PKN2: variants seen among roughly 807,000 people sequenced by gnomAD.
The protein encoded by PKN2 is serine/threonine-protein kinase N2.
A neutral mutation model predicts 119.1 loss-of-function variants in PKN2; 38 were observed. That is an observed-to-expected ratio of 0.32 (90% confidence interval 0.25 to 0.42). The LOEUF (loss-of-function observed/expected upper bound fraction) is 0.42, where lower values mean the gene tolerates loss of function less well. Among genes scored for constraint, PKN2 ranks in the 10% least tolerant of loss-of-function variants. PKN2 has a pLI of 1.00. For synonymous variants in PKN2, 390 were observed against 384.9 expected, an observed-to-expected ratio of 1.01 and a Z score of -0.15; for missense variants, 850 against 1,165.1, an observed-to-expected ratio of 0.73 and a Z score of 3.94.
chr1:88,740,997 C>G lies in PKN2; in HGVS notation c.58C>G (p.Arg20Gly). 6.4e-7 allele frequency: 1 copy of G among 1,562,254 alleles called. No individual in the cohort carries two copies. Among genetic ancestry groups the G allele is most frequent in the African/African-American group, 1.4e-5 (1 of 72,294 alleles). ...TTTATTTTTTCTGTAGGGGGATTCC[C>G]GAAGTCTTCCGTTTTCTGAGAATGT... The part of the protein sequence containing the change: ...ILLTELQGDS[R>G]SLPFSENVSA... Residue 20 changes from arginine to glycine, a missense_variant, in exon 2 of 22, where the codon CGA (arginine) becomes GGA (glycine). Coordinates refer to ENST00000370521, the MANE Select transcript of PKN2 (RefSeq NM_006256.4).
At chr1:88,794,127 G>A (rs1460442616) in intron 8 of PKN2, among the ~76,000 whole-genome samples, 1 of 152,124 alleles carries the variant, frequency 6.6e-6, no homozygotes. Context: ...CAGCACTTTG[G>A]GAGGCTGAGG....
chr1:88,697,331 A>G (rs1047177340), intron 1 of PKN2, among the ~76,000 whole-genome samples: 23 of 152,172 alleles, frequency 1.5e-4, no homozygotes, highest in African/African-American at 5.5e-4. Flanking sequence ...AAAACATTAT[A>G]TGACCAATCT....
At chr1:88,765,893 C>G (rs1669651338) in intron 3 of PKN2, among the ~76,000 whole-genome samples, 1 of 152,188 alleles carries the variant, frequency 6.6e-6, no homozygotes. Flanking sequence ...CTCACTGCAG[C>G]CTCCACCTCC....
chr1:88,787,330 T>C (rs1292944421), intron 8 of PKN2, among the ~76,000 whole-genome samples: 2 of 152,052 alleles, frequency 1.3e-5, no homozygotes, highest in Admixed American at 6.5e-5. Flanking sequence ...AGAGGGAAAA[T>C]GACTAGCTAG....
At chr1:88,731,733 G>C (rs1668148922) in intron 1 of PKN2, among the ~76,000 whole-genome samples, 1 of 152,202 alleles carries the variant, frequency 6.6e-6, no homozygotes, top group African/African-American at 2.4e-5. Flanking sequence ...AATGTAGAGA[G>C]AGTAACAGCT....
At chr1:88,788,633 T>TG (rs1570631935) in intron 8 of PKN2, among the ~76,000 whole-genome samples, 1 of 152,030 alleles carries the variant, frequency 6.6e-6, no homozygotes, top group South Asian at 2.1e-4. Flanking sequence ...TTAGTAGAGA[T>TG]GGGGGTTCTC....
chr1:88,791,001 A>C (rs952477623), intron 8 of PKN2, among the ~76,000 whole-genome samples: 2 of 152,210 alleles, frequency 1.3e-5, no homozygotes, highest in African/African-American at 4.8e-5. Flanking sequence ...AACTGAGAAT[A>C]TCAGTTTTAA....
intron 19 of PKN2, among the ~76,000 whole-genome samples, chr1:88,830,984 G>A (rs570920584): frequency 6.6e-6 from 1 of 152,044 alleles, no homozygotes; most frequent in South Asian, 2.1e-4. Flanking sequence ...AAACTCACCG[G>A]ATATATTATA....
At position 88,770,381 on chromosome 1, in the gene PKN2, A is replaced by G. The variant is rs369228973; in HGVS notation, c.534A>G (p.Gln178=). The change falls in exon 4 of 22, where the codon CAA becomes CAG. Residue 178 remains glutamine, a synonymous_variant. Transcript: ENST00000370521. ...KDRKLHGTAQ[Q]LLQDSKTKIE... Reference sequence around the variant, plus strand: ...GGAAACTCCATGGTACAGCTCAGCAACTGCTCCAGGACAGCAAGACAAAAA... The same window carrying G: ...GGAAACTCCATGGTACAGCTCAGCAGCTGCTCCAGGACAGCAAGACAAAAA... 1.2e-4 allele frequency: 194 copies of G among 1,612,704 alleles called. No individual in the cohort carries two copies. The highest frequency in any genetic ancestry group is 1.5e-4 in the Non-Finnish European group (177 of 1,178,822).
chr1:88,784,338 G>C (rs1221788432), intron 6 of PKN2, among the ~76,000 whole-genome samples: 1 of 151,762 alleles, frequency 6.6e-6, no homozygotes, highest in African/African-American at 2.4e-5. Context: ...GCCCAGGCTG[G>C]TCTCAAACTC....
intron 1 of PKN2, among the ~76,000 whole-genome samples, chr1:88,690,435 A>T (rs1186608878): frequency 6.6e-6 from 1 of 152,232 alleles, no homozygotes; most frequent in Non-Finnish European, 1.5e-5. Flanking sequence ...TGTCTATATT[A>T]TTTCAAAAGC....
chr1:88,704,530 T>C (rs1666897870), intron 1 of PKN2, among the ~76,000 whole-genome samples: 1 of 152,200 alleles, frequency 6.6e-6, no homozygotes, highest in Non-Finnish European at 1.5e-5. Context: ...CTAAAACATA[T>C]AGCAGGTGCA....
rs993751181 is a variant in PKN2 at position 88,724,164 on chromosome 1, A to G, written c.49-16824A>G. Among the ~76,000 whole-genome samples, 5 of 152,188 alleles carry G rather than the reference A, an allele frequency of 3.3e-5. No homozygotes were observed. In the South Asian group the frequency reaches 8.3e-4, roughly 25 times the overall value. On this transcript the variant is annotated intron_variant, in intron 1 of 21. Transcript: ENST00000370521. Reference sequence around the variant, plus strand: ...TAACTATTTACTTAAGGAAAGCTCAACTCACTTGCTTTAAGTTAAATAACT... The same window carrying G: ...TAACTATTTACTTAAGGAAAGCTCAGCTCACTTGCTTTAAGTTAAATAACT...
chr1:88,699,058 T>C (rs1666658626), intron 1 of PKN2, among the ~76,000 whole-genome samples: 1 of 152,086 alleles, frequency 6.6e-6, no homozygotes, highest in Non-Finnish European at 1.5e-5. Context: ...TATATTTCTA[T>C]TATATTCTTT....
At chr1:88,756,161 G>A (rs1669190806) in intron 2 of PKN2, among the ~76,000 whole-genome samples, 1 of 152,066 alleles carries the variant, frequency 6.6e-6, no homozygotes, top group Non-Finnish European at 1.5e-5. Context: ...CTCCCAAAGT[G>A]CTGGGATTAC....
At chr1:88,735,677 T>C (rs186835341) in intron 1 of PKN2, among the ~76,000 whole-genome samples, 6 of 141,358 alleles carry the variant, frequency 4.2e-5, no homozygotes, top group East Asian at 2.1e-4. Context: ...TCCTGACTTA[T>C]AAGGTTTCTG....
At chr1:88,813,761 G>A (rs1285336303) in intron 16 of PKN2, 28 bp downstream of exon 16, 1 of 1,501,374 alleles carries the variant, frequency 6.7e-7, no homozygotes, top group East Asian at 2.5e-5. Context: ...ATTTGTCTGA[G>A]TTTTTCCATG....
chr1:88,750,314 A>G (rs922857472), intron 2 of PKN2, among the ~76,000 whole-genome samples: 1 of 152,194 alleles, frequency 6.6e-6, no homozygotes, highest in African/African-American at 2.4e-5. Context: ...CTAGACCTTA[A>G]GTAGTCAGAA....
At chr1:88,782,059 T>G (rs1047840716) in intron 6 of PKN2, among the ~76,000 whole-genome samples, 20 of 152,114 alleles carry the variant, frequency 1.3e-4, no homozygotes, top group African/African-American at 4.8e-4. Flanking sequence ...TATGCCTATT[T>G]CACCATCATC....
Sources: allele counts gnomAD v4.1 joint callset (sites outside exome capture counted in the v4.1 genomes callset), GRCh38; gene constraint gnomAD v4.1.1; transcripts MANE v1.5; gene names NCBI Gene and HGNC (gene_info 2026-07-23, HGNC 2026-07-21).